The following DENND2C variants were observed in gnomAD, a reference collection of about 807,000 sequenced individuals.
The protein encoded by DENND2C is DENN domain containing 2C.
DENND2C carries 72 observed loss-of-function variants against 112.4 expected under a neutral mutation model. That is an observed-to-expected ratio of 0.64 (90% CI 0.53 to 0.78). The LOEUF is 0.78. DENND2C is among the 30% of genes least tolerant of loss of function. The pLI, the probability that DENND2C is intolerant of heterozygous loss-of-function variation, is 0.00. For missense variants in DENND2C, 992 were observed against 1,113.8 expected (o/e 0.89, Z 1.56); for synonymous variants, 329 against 381.6 (o/e 0.86, Z 1.61).
chr1:114,639,658 T>C (rs1006873406), intron 3 of DENND2C, among the ~76,000 whole-genome samples: 3 of 152,142 alleles, frequency 2.0e-5, no homozygotes, highest in Non-Finnish European at 2.9e-5. Context: ...GTTCTTTTTT[T>C]CTTCATATTC....
In DENND2C at chr1:114,608,739, T is replaced by TC; in HGVS notation, c.1503dup (p.Lys502GlufsTer20). 6.2e-7 allele frequency: 1 copy of TC among 1,614,202 alleles called. No individual in the cohort carries two copies. The highest frequency in any genetic ancestry group is 8.5e-7 in the Non-Finnish European group (1 of 1,180,034). The stretch of plus-strand genomic sequence containing the variant: ...GGAATATAGCTTATTCCTGATGGTT[T>TC]CTTCTGTAGAGACACCACCACAAAA... On this transcript the variant is annotated frameshift_variant, in exon 10 of 21. Transcript: ENST00000393274. LOFTEE classifies it high-confidence loss of function.
intron 16 of DENND2C, among the ~76,000 whole-genome samples, chr1:114,596,875 A>G (rs984812964): frequency 1.3e-5 from 2 of 152,148 alleles, no homozygotes; most frequent in African/African-American, 4.8e-5. Context: ...AGCAACCCCT[A>G]CTTCACATTA....
intron 3 of DENND2C, among the ~76,000 whole-genome samples, chr1:114,636,363 AT>A (rs1393156579): frequency 6.6e-6 from 1 of 152,194 alleles, no homozygotes; most frequent in Non-Finnish European, 1.5e-5. Flanking sequence ...TTTATTCAAC[AT>A]TGTAAAAGAA....
chr1:114,604,870 ATTT>A, intron 11 of DENND2C, 49 bp downstream of exon 11: 3 of 1,324,684 alleles, frequency 2.3e-6, no homozygotes, highest in Non-Finnish European at 3.3e-6. Context: ...AAATACTCTG[ATTT>A]ATTTTTGCAG....
chr1:114,638,574 C>T (rs1396547153), intron 3 of DENND2C, among the ~76,000 whole-genome samples: 1 of 151,802 alleles, frequency 6.6e-6, no homozygotes, highest in African/African-American at 2.4e-5. Flanking sequence ...GCCCTGGCAA[C>T]ATAGTAAAAC....
intron 7 of DENND2C, among the ~76,000 whole-genome samples, chr1:114,618,790 A>G (rs1277452573): frequency 6.6e-6 from 1 of 152,218 alleles, no homozygotes; most frequent in Non-Finnish European, 1.5e-5. Flanking sequence ...CCCTTTGTAT[A>G]GTGATCAAGC....
chr1:114,610,145 T>G (rs547768635), intron 9 of DENND2C, among the ~76,000 whole-genome samples: 17 of 152,286 alleles, frequency 1.1e-4, no homozygotes, highest in Non-Finnish European at 2.2e-4. Flanking sequence ...TTTCCATGGC[T>G]TAGTATGACA....
intron 1 of DENND2C, among the ~76,000 whole-genome samples, chr1:114,660,343 T>G (rs767119004): frequency 2.0e-4 from 30 of 152,314 alleles, no homozygotes; most frequent in Admixed American, 9.8e-4. Context: ...TTCTTAGCCC[T>G]TAGAACAAAC....
intron 2 of DENND2C, among the ~76,000 whole-genome samples, chr1:114,650,813 T>A (rs6691695): frequency 0.026 from 4,012 of 152,274 alleles, 94 homozygotes; most frequent in Non-Finnish European, 0.034. Flanking sequence ...ATTTCTCAAA[T>A]TTTCAAATGA....
At chr1:114,622,287 C>CT (rs973449491) in intron 6 of DENND2C, among the ~76,000 whole-genome samples, 9 of 151,692 alleles carry the variant, frequency 5.9e-5, no homozygotes, top group African/African-American at 1.9e-4. Flanking sequence ...CTAATTTTTT[C>CT]TTTTTTTTGG....
rs998389522 is a variant in DENND2C, at chr1:114,645,439, G to T, written c.-205+9C>A. Reference sequence around the variant, plus strand: ...CGAGCCAAGGAAACAGGCCTCACAAGAAACTTACCCTGTTGGCACCTTGAT... The same window carrying T: ...CGAGCCAAGGAAACAGGCCTCACAATAAACTTACCCTGTTGGCACCTTGAT... On this transcript the variant is annotated intron_variant, in intron 3 of 20. Coordinates refer to ENST00000393274, the MANE Select transcript of DENND2C (RefSeq NM_001256404.2). 1.3e-5 allele frequency: 2 copies of T among 152,176 alleles called. No individual in the cohort carries two copies. The highest frequency in any genetic ancestry group is 2.9e-5 in the Non-Finnish European group (2 of 68,042). The allele number at this position is 152,176 out of a possible 1,614,324, so 9.4% of individuals were successfully genotyped here. A position where few individuals can be genotyped will look rare whatever the true frequency, so the allele number is the denominator to read the frequency against.
rs568697719 is a variant in DENND2C, at chr1:114,659,566, T to C, written c.-573-4805A>G. Among the ~76,000 whole-genome samples the C allele has an allele frequency of 8.0e-4, 122 of 152,288 alleles. 1 individual carries two copies. Among genetic ancestry groups the C allele is most frequent in the Middle Eastern group, 3.4e-3 (1 of 294 alleles). ...GCTTGAAAGATACAGTAGCCAGATATAGACAATAGTACCAAGTGTCATTTG... is the reference window on the plus strand; with the variant it reads ...GCTTGAAAGATACAGTAGCCAGATACAGACAATAGTACCAAGTGTCATTTG... On this transcript the variant is annotated intron_variant, in intron 1 of 20. Transcript: ENST00000393274.
intron 8 of DENND2C, among the ~76,000 whole-genome samples, chr1:114,611,912 C>T (rs932012498): frequency 5.3e-5 from 8 of 151,898 alleles, no homozygotes; most frequent in Non-Finnish European, 1.0e-4. Flanking sequence ...GCCTAGAAGT[C>T]ATAAGTGAAA....
At chr1:114,664,516 G>A (rs1344630405) in intron 1 of DENND2C, among the ~76,000 whole-genome samples, 1 of 151,802 alleles carries the variant, frequency 6.6e-6, no homozygotes, top group Non-Finnish European at 1.5e-5. Context: ...TTTCGCTCTT[G>A]TCTCTCAGGC....
rs1324600215 is a variant in DENND2C at position 114,583,837 on chromosome 1, C to CACACACACACACACACAT, written c.*1762_*1763insATGTGTGTGTGTGTGTGT. The CACACACACACACACACAT allele has an allele frequency of 7.0e-6, 1 of 142,312 alleles. No homozygotes were observed. The highest frequency in any genetic ancestry group is 7.0e-5 in the Admixed American group (1 of 14,210). 8.8% of individuals were successfully genotyped at this position (142,312 alleles called of 1,614,324 possible). A position where few individuals can be genotyped will look rare whatever the true frequency, so the allele number is the denominator to read the frequency against. ...AAAAAAAAAAAAAACCGAAACAAAACACACACACACACACATACACACACA... is the reference window on the plus strand; with the variant it reads ...AAAAAAAAAAAAAACCGAAACAAAACACACACACACACACACATACACACACACACACATACACACACA... On this transcript the variant is annotated 3_prime_UTR_variant, in exon 21 of 21. Transcript: ENST00000393274.
At chr1:114,600,788 C>T in intron 14 of DENND2C, 32 bp downstream of exon 14, 1 of 1,597,222 alleles carries the variant, frequency 6.3e-7, no homozygotes, top group South Asian at 1.1e-5. Context: ...CTTTTTAGTG[C>T]TATCAAATCT....
chr1:114,628,826 C>A (rs983479390), intron 3 of DENND2C, among the ~76,000 whole-genome samples: 5 of 152,254 alleles, frequency 3.3e-5, no homozygotes, highest in Admixed American at 3.3e-4. Flanking sequence ...TCCTAGCCTG[C>A]AAGATCTTAT....
At chr1:114,646,949 C>T (rs570218216) in intron 2 of DENND2C, among the ~76,000 whole-genome samples, 18 of 152,148 alleles carry the variant, frequency 1.2e-4, no homozygotes, top group African/African-American at 3.6e-4. Flanking sequence ...CACCTGAGGT[C>T]GGGAGTTTGA....
chr1:114,660,848 C>T (rs1436118225), intron 1 of DENND2C, among the ~76,000 whole-genome samples: 2 of 152,090 alleles, frequency 1.3e-5, no homozygotes, highest in East Asian at 3.9e-4. Context: ...CGTGGTGTCT[C>T]ATGCCTGTAA....
Sources: allele counts gnomAD v4.1 joint callset (sites outside exome capture counted in the v4.1 genomes callset), GRCh38; gene constraint gnomAD v4.1.1; transcripts MANE v1.5; gene names NCBI Gene and HGNC (gene_info 2026-07-23, HGNC 2026-07-21).